TNFAIP8: variants seen among roughly 807,000 people sequenced by gnomAD.
TNFAIP8 encodes the protein tumor necrosis factor alpha-induced protein 8.
A neutral mutation model predicts 13.3 loss-of-function variants in TNFAIP8; 7 were observed. The ratio of observed to expected loss-of-function variants is 0.52; its 90% confidence interval spans 0.30 to 0.99. TNFAIP8 has a LOEUF of 0.99. TNFAIP8 is among the 50% of genes least tolerant of loss of function. TNFAIP8 has a pLI of 0.07. For synonymous variants in TNFAIP8, 94 were observed against 87.6 expected, an observed-to-expected ratio of 1.07 and a Z score of -0.41; for missense variants, 258 against 236.9, an observed-to-expected ratio of 1.09 and a Z score of -0.58.
chr5:119,279,736 C>G (rs1748571590), intron 1 of TNFAIP8, among the ~76,000 whole-genome samples: 1 of 152,092 alleles, frequency 6.6e-6, no homozygotes, highest in Non-Finnish European at 1.5e-5. Flanking sequence ...TGCATGCCAC[C>G]ACACCCAACT....
chr5:119,326,123 A>G lies in TNFAIP8; in HGVS notation c.1+57216A>G, dbSNP rs145136552. 1.5e-3 allele frequency among the ~76,000 whole-genome samples: 223 copies of G among 152,314 alleles called. 1 individual carries two copies. The highest frequency in any genetic ancestry group is 5.2e-3 in the African/African-American group (216 of 41,562). On this transcript the variant is annotated intron_variant, in intron 1 of 1. Transcript: ENST00000274456. ...TCTAAGTCAATGCCTACCATTCAGT[A>G]GGTACTAGGTAAATGCAGGTGGATT...
At chr5:119,279,060 G>A (rs534811896) in intron 1 of TNFAIP8, among the ~76,000 whole-genome samples, 9 of 152,296 alleles carry the variant, frequency 5.9e-5, no homozygotes, top group South Asian at 2.1e-4. Flanking sequence ...TGTTGAGTAC[G>A]TAGGGTGGGC....
intron 1 of TNFAIP8, chr5:119,333,764 T>C: frequency 5.1e-6 from 4 of 782,344 alleles, no homozygotes; most frequent in Non-Finnish European, 2.1e-6. Context: ...AGAGCTACTG[T>C]GTTCAACAAA....
chr5:119,334,171 T>C (rs1484942885), intron 1 of TNFAIP8, among the ~76,000 whole-genome samples: 3 of 149,386 alleles, frequency 2.0e-5, no homozygotes, highest in Non-Finnish European at 4.5e-5. Flanking sequence ...ACCTTACATA[T>C]AAAGCATTTT....
chr5:119,298,033 A>C (rs1233255769), intron 1 of TNFAIP8, among the ~76,000 whole-genome samples: 1 of 152,234 alleles, frequency 6.6e-6, no homozygotes, highest in Non-Finnish European at 1.5e-5. Flanking sequence ...TGAATACAGC[A>C]CACTGATGGG....
rs1753039549 is a variant in TNFAIP8, at chr5:119,394,947, A to G, written c.*1566A>G. ...TGCCTTAAATTTGCCTGCCTCCCAG[A>G]ATATTGACATTAAAATAATAGTTTA... On this transcript the variant is annotated 3_prime_UTR_variant, in exon 2 of 2. Transcript: ENST00000504771. 1 of 152,128 alleles carries G rather than the reference A, an allele frequency of 6.6e-6. No individual in the cohort carries two copies. The highest frequency in any genetic ancestry group is 6.5e-5 in the Admixed American group (1 of 15,268). The allele number at this position is 152,128 out of a possible 1,614,324, so 9.4% of individuals were successfully genotyped here. A position where few individuals can be genotyped will look rare whatever the true frequency, so the allele number is the denominator to read the frequency against.
chr5:119,296,718 T>A (rs1312798534), intron 1 of TNFAIP8, among the ~76,000 whole-genome samples: 3 of 152,208 alleles, frequency 2.0e-5, no homozygotes, highest in African/African-American at 4.8e-5. Flanking sequence ...TTCCTCCTTG[T>A]ACCTCTGGTA....
intron 1 of TNFAIP8, among the ~76,000 whole-genome samples, chr5:119,305,397 A>C (rs1251839517): frequency 6.6e-6 from 1 of 152,204 alleles, no homozygotes; most frequent in Non-Finnish European, 1.5e-5. Flanking sequence ...GAATATGTAG[A>C]TGCATTTTAT....
At chr5:119,304,530 G>A (rs889447326) in intron 1 of TNFAIP8, among the ~76,000 whole-genome samples, 1 of 152,116 alleles carries the variant, frequency 6.6e-6, no homozygotes, top group Non-Finnish European at 1.5e-5. Flanking sequence ...CTGATACCAT[G>A]CACACACCAT....
At chr5:119,361,354 G>A (rs1387179670) in intron 1 of TNFAIP8, among the ~76,000 whole-genome samples, 2 of 152,216 alleles carry the variant, frequency 1.3e-5, no homozygotes, top group East Asian at 3.8e-4. Context: ...TAACTGCTGA[G>A]TTGGGAATAA....
Position 119,399,252 on chromosome 5 carries a change from AGG to A in TNFAIP8, c.*5873_*5874del, listed in dbSNP as rs1753142070. 2 of 152,230 alleles carry A rather than the reference AGG, an allele frequency of 1.3e-5. No homozygotes were observed. The highest frequency in any genetic ancestry group is 2.4e-5 in the African/African-American group (1 of 41,458). 9.4% of individuals were successfully genotyped at this position (152,230 alleles called of 1,614,324 possible). A position where few individuals can be genotyped will look rare whatever the true frequency, so the allele number is the denominator to read the frequency against. ...GGAGTGTGGCCAGATGGAACCCAGC[AGG>A]GTACAGAGGGCATTTGTGGGAGCAG... is the stretch of plus-strand genomic sequence containing the variant. On this transcript the variant is annotated 3_prime_UTR_variant, in exon 2 of 2. Transcript: ENST00000504771.
chr5:119,368,809 G>T (rs144587359), intron 1 of TNFAIP8, among the ~76,000 whole-genome samples: 4 of 152,102 alleles, frequency 2.6e-5, no homozygotes, highest in Admixed American at 1.3e-4. Context: ...TTAAGTTCTT[G>T]TTCTGGGGCA....
chr5:119,305,529 A>T (rs1260013972), intron 1 of TNFAIP8, among the ~76,000 whole-genome samples: 1 of 135,550 alleles, frequency 7.4e-6, no homozygotes, highest in East Asian at 2.0e-4. Flanking sequence ...CAGGAGTTCA[A>T]GGCTGTAGTG....
At chr5:119,285,010 A>G (rs771582465) in intron 1 of TNFAIP8, among the ~76,000 whole-genome samples, 24 of 152,176 alleles carry the variant, frequency 1.6e-4, no homozygotes, top group Non-Finnish European at 2.9e-4. Flanking sequence ...TGTTGTCAGA[A>G]TCTTTTTTTT....
At chr5:119,363,367 C>G (rs920530748) in intron 1 of TNFAIP8, among the ~76,000 whole-genome samples, 6 of 152,186 alleles carry the variant, frequency 3.9e-5, no homozygotes, top group African/African-American at 1.4e-4. Flanking sequence ...ATGTGGGGCC[C>G]AGGAGGTGAC....
chr5:119,350,069 A>C (rs746075882), intron 1 of TNFAIP8, among the ~76,000 whole-genome samples: 1 of 152,228 alleles, frequency 6.6e-6, no homozygotes, highest in Non-Finnish European at 1.5e-5. Flanking sequence ...ATGATGACCC[A>C]AGGGGGCTAA....
intron 1 of TNFAIP8, among the ~76,000 whole-genome samples, chr5:119,298,739 T>G (rs1749261033): frequency 6.6e-6 from 1 of 152,072 alleles, no homozygotes; most frequent in African/African-American, 2.4e-5. Flanking sequence ...CACTTTCAGG[T>G]ACACCAATCT....
At chr5:119,345,648 G>T (rs191953161) in intron 1 of TNFAIP8, among the ~76,000 whole-genome samples, 2 of 152,182 alleles carry the variant, frequency 1.3e-5, no homozygotes, top group Non-Finnish European at 2.9e-5. Flanking sequence ...AAGTTACCTG[G>T]AGTAGTCAAA....
chr5:119,299,954 C>T (rs1749310284), intron 1 of TNFAIP8, among the ~76,000 whole-genome samples: 1 of 152,204 alleles, frequency 6.6e-6, no homozygotes, highest in African/African-American at 2.4e-5. Flanking sequence ...TTTTTTAGGC[C>T]CGTCGGAAAA....
Sources: allele counts gnomAD v4.1 joint callset (sites outside exome capture counted in the v4.1 genomes callset), GRCh38; gene constraint gnomAD v4.1.1; transcripts MANE v1.5; gene names NCBI Gene and HGNC (gene_info 2026-07-23, HGNC 2026-07-21).